Variants in RARG observed in about 807,000 individuals in gnomAD.
RARG encodes the protein retinoic acid receptor gamma.
A neutral mutation model predicts 43.7 loss-of-function variants in RARG; 17 were observed. The ratio of observed to expected loss-of-function variants is 0.39; its 90% confidence interval spans 0.27 to 0.58. The LOEUF (loss-of-function observed/expected upper bound fraction) is 0.58, where lower values mean the gene tolerates loss of function less well. Among genes scored for constraint, RARG ranks in the 20% least tolerant of loss-of-function variants. The pLI, the probability that RARG is intolerant of heterozygous loss-of-function variation, is 0.57. For synonymous variants in RARG, 238 were observed against 236.4 expected, an observed-to-expected ratio of 1.01 and a Z score of -0.06; for missense variants, 346 against 598.7, an observed-to-expected ratio of 0.58 and a Z score of 4.40.
At chr12:53,230,340 G>A (rs1034084481) in intron 2 of RARG, among the ~76,000 whole-genome samples, 1 of 151,992 alleles carries the variant, frequency 6.6e-6, no homozygotes, top group East Asian at 1.9e-4. Flanking sequence ...CGGATGGAGG[G>A]GGGTGTGTTT....
At chr12:53,222,223 A>AAAAGAGAG (rs1565727525) in intron 3 of RARG, among the ~76,000 whole-genome samples, 3 of 143,214 alleles carry the variant, frequency 2.1e-5, no homozygotes, top group Non-Finnish European at 4.4e-5. Context: ...AAAAAAAAGA[A>AAAAGAGAG]AGAAAGAGAG....
chr12:53,216,040 T>G (rs1433573564), intron 3 of RARG, among the ~76,000 whole-genome samples: 1 of 152,206 alleles, frequency 6.6e-6, no homozygotes, highest in Non-Finnish European at 1.5e-5. Flanking sequence ...TTCACAAGAA[T>G]GCCAGCCCTC....
chr12:53,229,217 G>A (rs1943175882), intron 2 of RARG, among the ~76,000 whole-genome samples: 1 of 152,218 alleles, frequency 6.6e-6, no homozygotes, highest in African/African-American at 2.4e-5. Context: ...AGGGCCAAGA[G>A]ACTAAAATGC....
chr12:53,218,082 C>A (rs1008449201), intron 3 of RARG, among the ~76,000 whole-genome samples: 1 of 151,784 alleles, frequency 6.6e-6, no homozygotes, highest in Non-Finnish European at 1.5e-5. Flanking sequence ...ATGTACCAGT[C>A]ACAAGGCTGA....
At chr12:53,220,162 C>T in intron 3 of RARG, 1 of 1,549,604 alleles carries the variant, frequency 6.5e-7, no homozygotes, top group African/African-American at 1.4e-5. Context: ...GCCGATTCCC[C>T]CTCCTCCCCC....
intron 3 of RARG, among the ~76,000 whole-genome samples, chr12:53,221,809 C>A (rs929018057): frequency 1.3e-5 from 2 of 150,844 alleles, no homozygotes; most frequent in South Asian, 2.2e-4. Context: ...GCCGCTCACA[C>A]GGGCAGCGCC....
intron 1 of RARG, among the ~76,000 whole-genome samples, 184 bp downstream of exon 1, chr12:53,231,790 A>G (rs1220486859): frequency 6.6e-6 from 1 of 152,250 alleles, no homozygotes; most frequent in Non-Finnish European, 1.5e-5. Context: ...AATCTTCCCC[A>G]TTCCCTTCCC....
Position 53,215,453 on chromosome 12 carries a change from G to T in RARG, c.334-19C>A. On this transcript the variant is annotated intron_variant, in intron 4 of 9. Transcript: ENST00000425354. This position sits in a 1 kb window ranked among gnomAD's most constrained non-coding sequence, Gnocchi z 6.4. ...AGAAGCCCTGGAGTTGAGGGAAAGA[G>T]AGAGGGCCTCTGAAGCACAATGCTG... 1 of 1,613,916 alleles carries T rather than the reference G, an allele frequency of 6.2e-7. No homozygotes were observed. Among genetic ancestry groups the T allele is most frequent in the South Asian group, 1.1e-5 (1 of 91,074 alleles).
rs1184081630 is a variant in RARG, at chr12:53,215,155, A to C, written c.475+138T>G. On this transcript the variant is annotated intron_variant, in intron 5 of 9. Transcript: ENST00000425354. This position sits in a 1 kb window ranked among gnomAD's most constrained non-coding sequence, Gnocchi z 6.4. ...GGTTGAATGGAGCTAATCAAATAAG[A>C]CTGGCCTGGGAGAAGGCAGCACCCC... 9.4e-7 allele frequency: 1 copy of C among 1,062,818 alleles called. No homozygotes were observed. Among genetic ancestry groups the C allele is most frequent in the Non-Finnish European group, 1.3e-6 (1 of 745,256 alleles). 65.8% of individuals were successfully genotyped at this position (1,062,818 alleles called of 1,614,324 possible).
intron 3 of RARG, among the ~76,000 whole-genome samples, chr12:53,217,398 G>A (rs2120649256): frequency 6.6e-6 from 1 of 152,334 alleles, no homozygotes; most frequent in South Asian, 2.1e-4. Flanking sequence ...GCGTGGGGTG[G>A]TGCTCACTCT....
At chr12:53,229,747 T>G (rs546951654) in intron 2 of RARG, 1 of 161,016 alleles carries the variant, frequency 6.2e-6, no homozygotes, top group South Asian at 2.0e-4. Flanking sequence ...GAGAAGCTAC[T>G]AGAGGACTCC....
intron 3 of RARG, among the ~76,000 whole-genome samples, chr12:53,225,375 G>A (rs1943082454): frequency 6.6e-6 from 1 of 152,176 alleles, no homozygotes; most frequent in African/African-American, 2.4e-5. Context: ...TTCTGTACAT[G>A]AGCAGAGGCC....
chr12:53,211,694 G>T lies in RARG; in HGVS notation c.1347C>A (p.Gly449=). 1 of 1,537,340 alleles carries T rather than the reference G, an allele frequency of 6.5e-7. No individual in the cohort carries two copies. The highest frequency in any genetic ancestry group is 1.2e-5 in the South Asian group (1 of 81,752). The change falls in exon 10 of 10, where the codon GGC becomes GGA. Residue 449 remains glycine, a synonymous_variant. Transcript: ENST00000425354. The surrounding 1 kb of genome is among the most constrained non-coding windows in gnomAD (Gnocchi z 4.6). ...DEVPGGQGKG[G]LKSPA ...GCCCTGGTCAGGCTGGGGACTTCAG[G>T]CCCCCTTTGCCCTGGCCCCCAGGAA...
Position 53,220,584 on chromosome 12 carries a change from G to A in RARG, c.185-4790C>T, listed in dbSNP as rs148853500. On this transcript the variant is annotated intron_variant, in intron 3 of 9. Transcript: ENST00000425354. ...CAAATATGCAAGAGTGAACATACAT[G>A]TGAGCACGCATATAAAATCATAGGT... Among the ~76,000 whole-genome samples the A allele has an allele frequency of 2.0e-3, 303 of 152,244 alleles. 1 individual carries two copies. The East Asian group carries it at 0.028, about 14-fold the overall frequency.
intron 3 of RARG, chr12:53,220,155 G>T: frequency 6.6e-7 from 1 of 1,524,376 alleles, no homozygotes; most frequent in Non-Finnish European, 8.8e-7. Flanking sequence ...ACCCGCAGCC[G>T]ATTCCCCCTC....
chr12:53,220,054 T>G, intron 3 of RARG: 1 of 1,548,956 alleles, frequency 6.5e-7, no homozygotes. Flanking sequence ...GGCCGCCCCG[T>G]ACAGCCGTCG....
In RARG at chr12:53,213,015, G is replaced by C; in HGVS notation, c.1177+70C>G. The C allele has an allele frequency of 1.3e-6, 2 of 1,488,534 alleles. No individual in the cohort carries two copies. The highest frequency in any genetic ancestry group is 4.5e-5 in the East Asian group (2 of 43,972). The allele number at this position is 1,488,534 out of a possible 1,614,324, so 92.2% of individuals were successfully genotyped here. On this transcript the variant is annotated intron_variant, in intron 9 of 9. Transcript: ENST00000425354. This position sits in a 1 kb window ranked among gnomAD's most constrained non-coding sequence, Gnocchi z 4.7. ...AACTACTCTGTTCTTGTCTCTGTGT[G>C]TCCTCCTGTCCGACCTGGGAGACCA...
At position 53,213,908 on chromosome 12, in the gene RARG, T is replaced by C. The variant is rs960808348; in HGVS notation, c.813+151A>G. On this transcript the variant is annotated intron_variant, in intron 7 of 9. Coordinates refer to ENST00000425354, the MANE Select transcript of RARG (RefSeq NM_000966.6). The surrounding 1 kb of genome is among the most constrained non-coding windows in gnomAD (Gnocchi z 4.7). ...CATCCAAAAGTCTAGGATCAGGTCA[T>C]AGGGGCAGAGGCTAAGACGAAAAGA... 46 of 1,121,978 alleles carry C rather than the reference T, an allele frequency of 4.1e-5. 1 individual carries two copies. In the South Asian group the frequency reaches 4.8e-4, roughly 12 times the overall value. The allele number at this position is 1,121,978 out of a possible 1,614,324, so 69.5% of individuals were successfully genotyped here.
In RARG at chr12:53,217,438, G is replaced by A. The variant is rs372642252; in HGVS notation, c.185-1644C>T. Among the ~76,000 whole-genome samples the A allele has an allele frequency of 2.8e-4, 43 of 152,344 alleles. No homozygotes were observed. In the East Asian group the frequency reaches 6.9e-3, roughly 25 times the overall value. ...CTGACGCCCTCCCTGCCCGCAGAGCGCTGCCTCATTTCCTCTCTTGCGCAA... is the reference window on the plus strand; with the variant it reads ...CTGACGCCCTCCCTGCCCGCAGAGCACTGCCTCATTTCCTCTCTTGCGCAA... On this transcript the variant is annotated intron_variant, in intron 3 of 9. Coordinates refer to ENST00000425354, the MANE Select transcript of RARG (RefSeq NM_000966.6).
Sources: gnomAD v4.1 joint callset for allele counts (sites outside exome capture counted in the v4.1 genomes callset) on GRCh38, gnomAD v4.1.1 for gene constraint, Gnocchi (gnomAD v3.1) non-coding constraint, MANE v1.5 for transcripts, NCBI Gene and HGNC (gene_info 2026-07-23, HGNC 2026-07-21) for gene names.